The following WDR72 variants were observed in gnomAD, a reference collection of about 807,000 sequenced individuals.
WDR72 encodes the protein WD repeat-containing protein 72.
In WDR72, 120 loss-of-function variants were observed where a neutral mutation model predicts 124.2. The ratio of observed to expected loss-of-function variants is 0.97; its 90% CI spans 0.83 to 1.12. The LOEUF is 1.12. Ranked by LOEUF, WDR72 falls within the 50% of genes most tolerant of loss-of-function variation. WDR72 has a pLI of 0.00. For missense variants in WDR72, 1,387 were observed against 1,278.8 expected (o/e 1.08, Z -1.29); for synonymous variants, 452 against 441.7 (o/e 1.02, Z -0.29).
intron 16 of WDR72, among the ~76,000 whole-genome samples, chr15:53,611,055 G>A (rs991349910): frequency 2.0e-5 from 3 of 151,994 alleles, no homozygotes; most frequent in Admixed American, 2.0e-4. Flanking sequence ...GCAACTTTAG[G>A]GGGAAAGATA....
intron 3 of WDR72, among the ~76,000 whole-genome samples, chr15:53,720,703 G>A (rs1380921429): frequency 1.3e-5 from 2 of 151,956 alleles, no homozygotes; most frequent in Non-Finnish European, 2.9e-5. Context: ...AACACTCCTT[G>A]GTAAATAAAC....
At chr15:53,731,571 G>C (rs368573592) in intron 2 of WDR72, among the ~76,000 whole-genome samples, 10 of 151,470 alleles carry the variant, frequency 6.6e-5, no homozygotes, top group Admixed American at 4.6e-4. Context: ...TCTCTTCGGA[G>C]GAAAATTGCT....
chr15:53,657,560 C>T (rs2015472731), intron 14 of WDR72, among the ~76,000 whole-genome samples: 1 of 151,626 alleles, frequency 6.6e-6, no homozygotes, highest in African/African-American at 2.4e-5. Flanking sequence ...TAACTGATAA[C>T]TACAAATGGA....
chr15:53,745,805 A>T (rs2140887612), intron 1 of WDR72, among the ~76,000 whole-genome samples: 1 of 152,228 alleles, frequency 6.6e-6, no homozygotes, highest in East Asian at 1.9e-4. Context: ...CAGATGAGTA[A>T]ATGAAGGCCC....
At chr15:53,538,533 C>A (rs952542529) in intron 18 of WDR72, among the ~76,000 whole-genome samples, 2 of 152,020 alleles carry the variant, frequency 1.3e-5, no homozygotes, top group African/African-American at 4.8e-5. Context: ...TTTTTCATTT[C>A]TAGGGTAGAA....
At chr15:53,730,280 T>G (rs1391704813) in intron 2 of WDR72, among the ~76,000 whole-genome samples, 2 of 152,234 alleles carry the variant, frequency 1.3e-5, no homozygotes, top group Admixed American at 1.3e-4. Context: ...ACAAATACTG[T>G]ATGATTCCAC....
At chr15:53,715,720 G>A (rs28434148) in intron 4 of WDR72, among the ~76,000 whole-genome samples, 7,263 of 152,212 alleles carry the variant, frequency 0.048, 612 homozygotes, top group African/African-American at 0.17. Context: ...GCTTTGGGAG[G>A]AGGCTATGGT....
At chr15:53,758,239 G>A (rs965796912) in intron 1 of WDR72, among the ~76,000 whole-genome samples, 11 of 152,090 alleles carry the variant, frequency 7.2e-5, no homozygotes, top group African/African-American at 2.4e-4. Context: ...GAGCTCAAGC[G>A]ATCCACCTAC....
intron 1 of WDR72, among the ~76,000 whole-genome samples, chr15:53,740,489 A>G (rs948677573): frequency 2.6e-5 from 4 of 152,066 alleles, no homozygotes; most frequent in Admixed American, 2.0e-4. Context: ...TTGTATTTTT[A>G]GCAGAGAACG....
chr15:53,556,599 A>C (rs1343121345), intron 18 of WDR72, among the ~76,000 whole-genome samples: 2 of 152,098 alleles, frequency 1.3e-5, no homozygotes, highest in African/African-American at 4.8e-5. Flanking sequence ...CAGCCTAGTA[A>C]ACTGCCCAAA....
intron 14 of WDR72, among the ~76,000 whole-genome samples, chr15:53,645,449 G>A (rs2015008367): frequency 6.6e-6 from 1 of 152,110 alleles, no homozygotes. Context: ...TGTTTTAAGT[G>A]TGAAGAATAG....
At chr15:53,625,887 C>T (rs2014186201) in intron 14 of WDR72, among the ~76,000 whole-genome samples, 1 of 151,858 alleles carries the variant, frequency 6.6e-6, no homozygotes, top group Non-Finnish European at 1.5e-5. Context: ...TTTTCTTTTT[C>T]CTTCAGCCTA....
At chr15:53,595,793 T>A (rs528472791) in intron 18 of WDR72, among the ~76,000 whole-genome samples, 2 of 152,198 alleles carry the variant, frequency 1.3e-5, no homozygotes, top group African/African-American at 2.4e-5. Flanking sequence ...TTACGTGATA[T>A]GATGAAACAG....
In WDR72 at chr15:53,712,808, C is replaced by T. The variant is rs765322818; in HGVS notation, c.675G>A (p.Glu225=). 2 of 1,613,582 alleles carry T rather than the reference C, an allele frequency of 1.2e-6. No individual in the cohort carries two copies. The highest frequency in any genetic ancestry group is 1.7e-5 in the Admixed American group (1 of 60,000). ...TAGAAAATACCACCAATAGAAGTCT[C>T]TCAGTATATGTGCAAAATCGAATTG... The part of the protein sequence containing the change: ...CQTIRFCTYT[E]RLLLVVFSKC... Residue 225 remains glutamate, a synonymous_variant, in exon 7 of 20, where the codon GAG becomes GAA. Coordinates refer to ENST00000360509, the MANE Select transcript of WDR72 (RefSeq NM_182758.4).
chr15:53,613,961 T>TTTA (rs2013655279), intron 15 of WDR72, among the ~76,000 whole-genome samples: 1 of 128,120 alleles, frequency 7.8e-6, no homozygotes, highest in Non-Finnish European at 1.7e-5. Flanking sequence ...TTATTTATTT[T>TTTA]TTTAGGCTCC....
chr15:53,615,668 C>G lies in WDR72; in HGVS notation c.2538G>C (p.Trp846Cys). 1 of 1,611,536 alleles carries G rather than the reference C, an allele frequency of 6.2e-7. No homozygotes were observed. The part of the protein sequence containing the change: ...EDNFSLMLPG[W>C]DLCNSGMIKD... The stretch of plus-strand genomic sequence containing the variant: ...TTATCATTCCACTATTGCATAAATC[C>G]CAACCTGGCAACATCAGTGAGAAAT... Residue 846 changes from tryptophan (W) to cysteine (C), a missense_variant, in exon 15 of 20, where the codon TGG becomes TGC. By Grantham distance (215) the Trp-to-Cys change is radical. Coordinates refer to ENST00000360509, the MANE Select transcript of WDR72 (RefSeq NM_182758.4).
At chr15:53,749,174 T>G (rs1220646803) in intron 1 of WDR72, among the ~76,000 whole-genome samples, 3 of 152,210 alleles carry the variant, frequency 2.0e-5, no homozygotes. Flanking sequence ...ATAATTGTGT[T>G]TTTTTACAAA....
intron 1 of WDR72, among the ~76,000 whole-genome samples, chr15:53,739,315 G>A (rs1046789186): frequency 3.3e-5 from 5 of 152,144 alleles, no homozygotes; most frequent in Admixed American, 3.3e-4. Flanking sequence ...GCAGTCCTGG[G>A]ACCCTTAGTG....
rs139552263 is a variant in WDR72 at position 53,516,461 on chromosome 15, T to C, written c.*1238A>G. 93 of 152,178 alleles carry C rather than the reference T, an allele frequency of 6.1e-4. 2 individuals carry two copies. The highest frequency in any genetic ancestry group is 2.1e-3 in the African/African-American group (87 of 41,544). The allele number at this position is 152,178 out of a possible 1,614,324, so 9.4% of individuals were successfully genotyped here. On this transcript the variant is annotated 3_prime_UTR_variant, in exon 20 of 20. Coordinates refer to ENST00000360509, the MANE Select transcript of WDR72 (RefSeq NM_182758.4). ...AAATGTTTCTTTAATTGAAGTGACT[T>C]GAACTTCTCTGTTAGATACATACAT...
Sources: allele counts gnomAD v4.1 joint callset (sites outside exome capture counted in the v4.1 genomes callset), GRCh38; gene constraint gnomAD v4.1.1; transcripts MANE v1.5; gene names NCBI Gene and HGNC (gene_info 2026-07-23, HGNC 2026-07-21).